The following ASCC3 variants were observed in gnomAD, a reference collection of about 807,000 sequenced individuals.
ASCC3 encodes the protein ASC-1 complex subunit P200.
ASCC3 carries 158 observed loss-of-function variants against 256.3 expected under a neutral mutation model. The observed-to-expected ratio is 0.62, with a 90% CI of 0.54 to 0.70. ASCC3 has a LOEUF of 0.70. Among genes scored for constraint, ASCC3 ranks in the 30% least tolerant of loss-of-function variants. The pLI is 0.00. For synonymous variants in ASCC3, 948 were observed against 883.4 expected (o/e 1.07, Z -1.30); for missense variants, 2,259 against 2,626.0 (o/e 0.86, Z 3.05).
At chr6:100,876,407 A>T (rs1774005304) in intron 1 of ASCC3, among the ~76,000 whole-genome samples, 2 of 152,226 alleles carry the variant, frequency 1.3e-5, no homozygotes, top group African/African-American at 4.8e-5. Context: ...TACTGCAAAC[A>T]ATTTAAGGTG....
chr6:100,792,232 T>C (rs1769382191), intron 8 of ASCC3, among the ~76,000 whole-genome samples: 1 of 151,920 alleles, frequency 6.6e-6, no homozygotes, highest in African/African-American at 2.4e-5. Context: ...TACTTCCTGT[T>C]GATACACTAA....
chr6:100,619,510 T>C (rs1773837996), intron 30 of ASCC3, among the ~76,000 whole-genome samples: 1 of 152,166 alleles, frequency 6.6e-6, no homozygotes, highest in Non-Finnish European at 1.5e-5. Context: ...ATATATAAAA[T>C]TGCAATTTTC....
chr6:100,665,754 A>AG (rs1317483162), intron 14 of ASCC3, among the ~76,000 whole-genome samples: 1 of 150,826 alleles, frequency 6.6e-6, no homozygotes, highest in Non-Finnish European at 1.5e-5. Context: ...AACAAAAAAA[A>AG]AAGAAGAAAA....
intron 36 of ASCC3, among the ~76,000 whole-genome samples, chr6:100,578,178 C>T (rs867595140): frequency 3.3e-5 from 5 of 151,848 alleles, no homozygotes; most frequent in South Asian, 2.1e-4. Context: ...ACATAAAAGG[C>T]GAGAATTCAG....
At position 100,679,602 on chromosome 6, in the gene ASCC3, CCT is replaced by C; in HGVS notation, c.2286+14_2286+15del. The C allele has an allele frequency of 6.2e-7, 1 of 1,613,168 alleles. No homozygotes were observed. Among genetic ancestry groups the C allele is most frequent in the Non-Finnish European group, 8.5e-7 (1 of 1,179,482 alleles). On this transcript the variant is annotated intron_variant, in intron 14 of 41. Coordinates refer to ENST00000369162, the MANE Select transcript of ASCC3 (RefSeq NM_006828.4). ...GCATGTTACATGCTTTAGTTCTTGT[CCT>C]CTTTGTTTCTTACCTGTTTTTCTGC... is the stretch of plus-strand genomic sequence containing the variant.
intron 2 of ASCC3, among the ~76,000 whole-genome samples, chr6:100,865,904 C>A (rs577182781): frequency 6.6e-6 from 1 of 151,912 alleles, no homozygotes; most frequent in Non-Finnish European, 1.5e-5. Context: ...TATATGAAAC[C>A]TGTTATTATA....
rs773228001 is a variant in ASCC3 at position 100,725,680 on chromosome 6, T to A, written c.1761A>T (p.Lys587Asn). ...CACTCTTTCTTGTCACTACATCCCATTTTTCTGGTGTGGTCACAAGCATCT... is the reference window on the plus strand; with the variant it reads ...CACTCTTTCTTGTCACTACATCCCAATTTTCTGGTGTGGTCACAAGCATCT... ...RTQMLVTTPE[K>N]WDVVTRKSVG... Residue 587 changes from lysine to asparagine, a missense_variant, in exon 11 of 42, where the codon AAA becomes AAT. By Grantham distance (94) the Lys-to-Asn change is moderately conservative (BLOSUM62 0). Transcript: ENST00000369162. The A allele has an allele frequency of 6.2e-7, 1 of 1,612,498 alleles. No homozygotes were observed. Among genetic ancestry groups the A allele is most frequent in the South Asian group, 1.1e-5 (1 of 91,050 alleles).
chr6:100,677,196 C>A (rs1287315982), intron 14 of ASCC3, among the ~76,000 whole-genome samples: 1 of 152,082 alleles, frequency 6.6e-6, no homozygotes, highest in African/African-American at 2.4e-5. Flanking sequence ...CTCTTAAATT[C>A]TAGAGCTCTG....
chr6:100,551,268 T>A (rs766855721), intron 36 of ASCC3, among the ~76,000 whole-genome samples: 4 of 151,982 alleles, frequency 2.6e-5, no homozygotes, highest in Non-Finnish European at 5.9e-5. Context: ...TCTGCTTTTA[T>A]GAAGCTCTGC....
At chr6:100,532,060 T>C (rs1382052428) in intron 37 of ASCC3, among the ~76,000 whole-genome samples, 1 of 151,736 alleles carries the variant, frequency 6.6e-6, no homozygotes, top group East Asian at 1.9e-4. Flanking sequence ...ATAGTAGGAG[T>C]TAAATTTTGA....
chr6:100,764,379 AC>A (rs1403891918), intron 10 of ASCC3, among the ~76,000 whole-genome samples: 1 of 152,236 alleles, frequency 6.6e-6, no homozygotes, highest in African/African-American at 2.4e-5. Flanking sequence ...AGGAGAAAAC[AC>A]ATGAGGAAAC....
intron 4 of ASCC3, among the ~76,000 whole-genome samples, chr6:100,826,464 A>T (rs1485662085): frequency 6.6e-6 from 1 of 152,000 alleles, no homozygotes; most frequent in African/African-American, 2.4e-5. Flanking sequence ...TTTAAGTCTA[A>T]ATGGATCCTT....
chr6:100,841,960 T>TAC (rs1274902886), intron 4 of ASCC3, among the ~76,000 whole-genome samples: 6 of 152,138 alleles, frequency 3.9e-5, no homozygotes, highest in Admixed American at 3.9e-4. Flanking sequence ...AACACACAAA[T>TAC]ACCACACTGG....
In ASCC3 at chr6:100,590,040, C is replaced by A; in HGVS notation, c.5323G>T (p.Val1775Leu). 6.2e-7 allele frequency: 1 copy of A among 1,613,102 alleles called. No homozygotes were observed. The highest frequency in any genetic ancestry group is 8.5e-7 in the Non-Finnish European group (1 of 1,179,236). Reference protein sequence around the residue: ...MNPSYYNLGDVSHDSVNKFLS... With the variant: ...MNPSYYNLGDLSHDSVNKFLS... ...AACTTGTTCACAGAATCATGGCTCA[C>A]ATCACCCAAATTGTAATAGCTAGAA... The change falls in exon 35 of 42, where the codon GTG becomes TTG. Residue 1775 changes from valine (V) to leucine (L), a missense_variant. Transcript: ENST00000369162.
Position 100,766,572 on chromosome 6 carries a change from C to G in ASCC3, c.1730G>C (p.Arg577Pro). The part of the protein sequence containing the change: ...DMQLSKSEIL[R>P]TQMLVTTPEK... The stretch of plus-strand genomic sequence containing the variant: ...TCTAGGTAAACAACATACCTGAGTT[C>G]GTAAAATTTCACTTTTGGACAACTG... Residue 577 changes from arginine to proline, a missense_variant, in exon 10 of 42, where the codon CGA becomes CCA. Transcript: ENST00000369162. 6.2e-7 allele frequency: 1 copy of G among 1,613,996 alleles called. No individual in the cohort carries two copies. The highest frequency in any genetic ancestry group is 8.5e-7 in the Non-Finnish European group (1 of 1,179,914).
chr6:100,847,269 C>A (rs9485416), intron 4 of ASCC3, among the ~76,000 whole-genome samples: 2 of 151,848 alleles, frequency 1.3e-5, no homozygotes, highest in African/African-American at 4.8e-5. Flanking sequence ...AAATTTTCTT[C>A]GTAAATCACA....
At chr6:100,579,562 C>T (rs1168234497) in intron 36 of ASCC3, among the ~76,000 whole-genome samples, 1 of 152,048 alleles carries the variant, frequency 6.6e-6, no homozygotes. Flanking sequence ...CTGCATAGGG[C>T]TCGGCAATTA....
At chr6:100,650,081 G>A (rs1775581237) in intron 20 of ASCC3, among the ~76,000 whole-genome samples, 1 of 151,552 alleles carries the variant, frequency 6.6e-6, no homozygotes, top group African/African-American at 2.4e-5. Context: ...TGAACGTATG[G>A]TAGGAAATAT....
intron 13 of ASCC3, among the ~76,000 whole-genome samples, chr6:100,692,162 T>C (rs115497386): frequency 0.014 from 2,167 of 152,172 alleles, 40 homozygotes; most frequent in African/African-American, 0.05. Flanking sequence ...TATTTACATA[T>C]AACAATTCTT....
Sources: allele counts gnomAD v4.1 joint callset (sites outside exome capture counted in the v4.1 genomes callset), GRCh38; gene constraint gnomAD v4.1.1; transcripts MANE v1.5; gene names NCBI Gene and HGNC (gene_info 2026-07-23, HGNC 2026-07-21).